The following GFRA2 variants were observed in gnomAD, a reference collection of about 807,000 sequenced individuals.
GFRA2 encodes GDNF family receptor alpha-2.
In GFRA2, 17 loss-of-function variants were observed where a neutral mutation model predicts 48.3. That is an observed-to-expected ratio of 0.35 (90% CI 0.24 to 0.53). The LOEUF is 0.53. Among genes scored for constraint, GFRA2 ranks in the 20% least tolerant of loss-of-function variants. The pLI is 0.93. For synonymous variants in GFRA2, 305 were observed against 257.2 expected, an observed-to-expected ratio of 1.19 and a Z score of -1.78; for missense variants, 660 against 637.3, an observed-to-expected ratio of 1.04 and a Z score of -0.38.
intron 3 of GFRA2, among the ~76,000 whole-genome samples, chr8:21,755,933 G>T (rs1293162210): frequency 6.6e-6 from 1 of 152,234 alleles, no homozygotes; most frequent in Admixed American, 6.5e-5. Flanking sequence ...CAACACAAGG[G>T]CTATTGTGGG....
chr8:21,785,566 G>A (rs974753604), intron 1 of GFRA2, among the ~76,000 whole-genome samples: 1 of 152,164 alleles, frequency 6.6e-6, no homozygotes, highest in Non-Finnish European at 1.5e-5. Context: ...AGAGACACAG[G>A]GGTAGAGGGG....
In GFRA2 at chr8:21,774,952, C is replaced by T; in HGVS notation, c.439+20G>A. 2 of 1,419,430 alleles carry T rather than the reference C, an allele frequency of 1.4e-6. No individual in the cohort carries two copies. The highest frequency in any genetic ancestry group is 3.4e-5 in the Admixed American group (2 of 59,582). The allele number at this position is 1,419,430 out of a possible 1,614,324, so 87.9% of individuals were successfully genotyped here. A position where few individuals can be genotyped will look rare whatever the true frequency, so the allele number is the denominator to read the frequency against. Reference sequence around the variant, plus strand: ...GGGACGAGAGGAGAACGGGCCAAGTCCCAGTGCGAGCTCACTTACCTGAGA... The same window carrying T: ...GGGACGAGAGGAGAACGGGCCAAGTTCCAGTGCGAGCTCACTTACCTGAGA... On this transcript the variant is annotated intron_variant, in intron 3 of 8. Coordinates refer to ENST00000524240, the MANE Select transcript of GFRA2 (RefSeq NM_001495.5).
chr8:21,722,600 G>A (rs1351461278), intron 4 of GFRA2, among the ~76,000 whole-genome samples: 1 of 152,136 alleles, frequency 6.6e-6, no homozygotes, highest in Non-Finnish European at 1.5e-5. Context: ...TCGCCCGCAT[G>A]CAGTGAGCTC....
At chr8:21,748,512 T>A (rs1805119899) in intron 4 of GFRA2, among the ~76,000 whole-genome samples, 1 of 152,090 alleles carries the variant, frequency 6.6e-6, no homozygotes, top group Non-Finnish European at 1.5e-5. Flanking sequence ...CCCAATCTCC[T>A]CTGAAATAAT....
chr8:21,799,221 A>ATT (rs1189175586), intron 2 of GFRA2, among the ~76,000 whole-genome samples: 9 of 69,372 alleles, frequency 1.3e-4, no homozygotes, highest in African/African-American at 3.1e-4. Flanking sequence ...TGACCAGAGG[A>ATT]TTTTTTTTTT....
rs896155311 is a variant in GFRA2 at position 21,711,935 on chromosome 8, T to C, written c.795-5894A>G. On this transcript the variant is annotated intron_variant, in intron 4 of 8. Coordinates refer to ENST00000524240, the MANE Select transcript of GFRA2 (RefSeq NM_001495.5). Reference sequence around the variant, plus strand: ...CTGTTTAACAAAGCACATCTTGCACTGCCCGTAATCCATTTAACCCTGAGT... The same window carrying C: ...CTGTTTAACAAAGCACATCTTGCACCGCCCGTAATCCATTTAACCCTGAGT... 1.4e-4 allele frequency among the ~76,000 whole-genome samples: 21 copies of C among 152,366 alleles called. No individual in the cohort carries two copies. The South Asian group carries it at 4.1e-3, about 30-fold the overall frequency.
At chr8:21,753,406 G>A (rs1266615476) in intron 3 of GFRA2, among the ~76,000 whole-genome samples, 2 of 152,194 alleles carry the variant, frequency 1.3e-5, no homozygotes, top group South Asian at 2.1e-4. Context: ...TCAGGAGTTC[G>A]AGGCCAGACT....
intron 4 of GFRA2, among the ~76,000 whole-genome samples, chr8:21,718,842 C>G (rs1803459991): frequency 2.0e-5 from 3 of 152,196 alleles, no homozygotes. Flanking sequence ...CAAATCCTAG[C>G]CACAAAGCCA....
chr8:21,739,105 G>A (rs372415003), intron 4 of GFRA2, among the ~76,000 whole-genome samples: 5 of 152,320 alleles, frequency 3.3e-5, no homozygotes, highest in Middle Eastern at 3.4e-3. Flanking sequence ...CACATGCTCC[G>A]AAGGGTTCCT....
At chr8:21,808,975 T>A (rs1339501982) in intron 1 of GFRA2, among the ~76,000 whole-genome samples, 2 of 152,250 alleles carry the variant, frequency 1.3e-5, no homozygotes, top group Non-Finnish European at 2.9e-5. Context: ...AGAAGCTGCC[T>A]CAAATGCATT....
chr8:21,750,049 G>C lies in GFRA2; in HGVS notation c.794+539C>G. Among the ~76,000 whole-genome samples the C allele has an allele frequency of 6.7e-6, 1 of 148,268 alleles. No homozygotes were observed. The highest frequency in any genetic ancestry group is 1.5e-5 in the Non-Finnish European group (1 of 66,282). On this transcript the variant is annotated intron_variant, in intron 4 of 8. Transcript: ENST00000524240. This position sits in a 1 kb window ranked among gnomAD's most constrained non-coding sequence, Gnocchi z 5.7. ...TGAAATTTAGCTCTATATAATATAT[G>C]TAAGTATATATATGTGTATATATGT...
At chr8:21,709,664 C>G (rs994463584) in intron 4 of GFRA2, among the ~76,000 whole-genome samples, 2 of 152,132 alleles carry the variant, frequency 1.3e-5, no homozygotes, top group African/African-American at 4.8e-5. Flanking sequence ...ACACTGCCCA[C>G]CACAGCAGAC....
chr8:21,744,860 T>C (rs994856625), intron 4 of GFRA2, among the ~76,000 whole-genome samples: 1 of 152,010 alleles, frequency 6.6e-6, no homozygotes, highest in Non-Finnish European at 1.5e-5. Flanking sequence ...GCCAAAGACA[T>C]AAGCCAAGGT....
At chr8:21,756,148 T>G (rs1419084072) in intron 3 of GFRA2, among the ~76,000 whole-genome samples, 1 of 152,178 alleles carries the variant, frequency 6.6e-6, no homozygotes, top group Non-Finnish European at 1.5e-5. Context: ...GTTCCCCAGG[T>G]GCTCCGTTCC....
At chr8:21,698,621 A>G (rs1802325146) in intron 7 of GFRA2, among the ~76,000 whole-genome samples, 1 of 152,012 alleles carries the variant, frequency 6.6e-6, no homozygotes, top group African/African-American at 2.4e-5. Flanking sequence ...GACCTGCACC[A>G]TCCCCAGTAA....
At chr8:21,770,262 C>G (rs912891132) in intron 3 of GFRA2, among the ~76,000 whole-genome samples, 1 of 152,266 alleles carries the variant, frequency 6.6e-6, no homozygotes, top group Non-Finnish European at 1.5e-5. Flanking sequence ...CAGCCACAAC[C>G]TGCCATCGAA....
chr8:21,776,038 T>TGTGTGTGTAC (rs1453575717), intron 2 of GFRA2, among the ~76,000 whole-genome samples: 1 of 93,396 alleles, frequency 1.1e-5, no homozygotes, highest in African/African-American at 7.0e-5. Flanking sequence ...TGTGTGTGTG[T>TGTGTGTGTAC]GTAGTGAAAA....
intron 6 of GFRA2, 132 bp downstream of exon 6, chr8:21,704,853 G>T (rs1484750927): frequency 1.3e-6 from 1 of 745,554 alleles, no homozygotes; most frequent in African/African-American, 1.7e-5. Context: ...GGTCCCCACG[G>T]GCAACACCCA....
chr8:21,783,253 A>G, intron 1 of GFRA2: 1 of 427,884 alleles, frequency 2.3e-6, no homozygotes, highest in South Asian at 1.9e-5. Context: ...TGGGGGCTGC[A>G]TGGCTTGCTG....
Sources: gnomAD v4.1 joint callset for allele counts (sites outside exome capture counted in the v4.1 genomes callset) on GRCh38, gnomAD v4.1.1 for gene constraint, Gnocchi (gnomAD v3.1) non-coding constraint, MANE v1.5 for transcripts, NCBI Gene and HGNC (gene_info 2026-07-23, HGNC 2026-07-21) for gene names.